The following KCNT1 variants were observed in gnomAD, a reference collection of about 807,000 sequenced individuals.
KCNT1 encodes potassium channel subfamily T member 1.
A neutral mutation model predicts 147.8 loss-of-function variants in KCNT1; 78 were observed. That is an observed-to-expected ratio of 0.53 (90% CI 0.44 to 0.64). The LOEUF (loss-of-function observed/expected upper bound fraction) is 0.64. Ranked by LOEUF, KCNT1 falls within the 30% of genes least tolerant of loss-of-function variation. KCNT1 has a pLI of 0.00. For missense variants in KCNT1, 1,419 were observed against 1,750.3 expected (o/e 0.81, Z 3.38); for synonymous variants, 867 against 748.8 (o/e 1.16, Z -2.58).
At chr9:135,720,429 G>A (rs1399363074) in intron 2 of KCNT1, among the ~76,000 whole-genome samples, 1 of 152,078 alleles carries the variant, frequency 6.6e-6, no homozygotes, top group Non-Finnish European at 1.5e-5. Context: ...TCGGTGTGCT[G>A]AGGGCCTTCT....
chr9:135,751,093 T>G, intron 4 of KCNT1, 52 bp downstream of exon 4: 1 of 1,524,328 alleles, frequency 6.6e-7, no homozygotes. Context: ...GGGCTGAGCC[T>G]TCCCACTGGG....
At chr9:135,726,752 C>T (rs12237994) in intron 2 of KCNT1, among the ~76,000 whole-genome samples, 26 of 92,250 alleles carry the variant, frequency 2.8e-4, no homozygotes, top group African/African-American at 8.6e-4. Flanking sequence ...TCTCTCCCTC[C>T]CTCTCTCCCT....
chr9:135,793,372 CAG>C lies in KCNT1; in HGVS notation c.*1214_*1215del, dbSNP rs1215887958. On this transcript the variant is annotated 3_prime_UTR_variant, in exon 31 of 31. Coordinates refer to ENST00000371757, the MANE Select transcript of KCNT1 (RefSeq NM_020822.3). ...GAAACCTGCCTGGTGGTGGGGGTCC[CAG>C]AGTCCAGGAGGGCTGTCTGGTGAGC... 1.3e-5 allele frequency: 2 copies of C among 152,230 alleles called. No individual in the cohort carries two copies. 9.4% of individuals were successfully genotyped at this position (152,230 alleles called of 1,614,324 possible). A position where few individuals can be genotyped will look rare whatever the true frequency, so the allele number is the denominator to read the frequency against.
chr9:135,749,924 G>T (rs936710964), intron 2 of KCNT1, among the ~76,000 whole-genome samples, 174 bp from the exon 3 acceptor site: 1 of 152,126 alleles, frequency 6.6e-6, no homozygotes, highest in Non-Finnish European at 1.5e-5. Context: ...TGGGTGTGAC[G>T]GACCCCAGGA....
At chr9:135,721,508 G>A (rs370353678) in intron 2 of KCNT1, among the ~76,000 whole-genome samples, 48 of 152,228 alleles carry the variant, frequency 3.2e-4, no homozygotes, top group African/African-American at 1.1e-3. Flanking sequence ...GTGGGGCCCA[G>A]GCAGGCTGGG....
intron 2 of KCNT1, among the ~76,000 whole-genome samples, chr9:135,715,420 T>A (rs1328115098): frequency 1.3e-5 from 2 of 152,112 alleles, no homozygotes; most frequent in Non-Finnish European, 2.9e-5. Context: ...GGGAGGCGCT[T>A]TTTTGCCTGC....
Position 135,765,162 on chromosome 9 carries a change from C to G in KCNT1, c.1167C>G (p.Phe389Leu). Residue 389 changes from phenylalanine (F) to leucine (L), a missense_variant, in exon 12 of 31, where the codon TTC (phenylalanine) becomes TTG (leucine). Phe to Leu is a conservative substitution (Grantham distance 22, BLOSUM62 0). Coordinates refer to ENST00000371757, the MANE Select transcript of KCNT1 (RefSeq NM_020822.3). The part of the protein sequence containing the change: ...SSLKIDLLMD[F>L]LNEFYAHPRL... ...TCAAGATCGACCTTCTCATGGACTT[C>G]CTGAACGAGTTCTACGCCCACCCCC... 6.2e-7 allele frequency: 1 copy of G among 1,613,148 alleles called. No homozygotes were observed. Among genetic ancestry groups the G allele is most frequent in the Non-Finnish European group, 8.5e-7 (1 of 1,179,628 alleles).
intron 13 of KCNT1, among the ~76,000 whole-genome samples, chr9:135,766,471 G>A (rs920571626): frequency 2.8e-4 from 42 of 150,524 alleles, no homozygotes; most frequent in African/African-American, 7.6e-4. Context: ...GGGGCGGACC[G>A]TCTGGGGTAT....
At chr9:135,770,585 G>A (rs1832684240) in intron 17 of KCNT1, 138 bp downstream of exon 17, 1 of 1,159,294 alleles carries the variant, frequency 8.6e-7, no homozygotes, top group Non-Finnish European at 1.2e-6. Context: ...AGGTCATCCT[G>A]CCTGGCGAGG....
At position 135,794,289 on chromosome 9, in the gene KCNT1, T is replaced by G. The variant is rs1834717918; in HGVS notation, c.*2128T>G. Reference sequence around the variant, plus strand: ...CACCACCATGAGGCCGGGAGGCATCTTAGCCTTTGAGCCTCTCTCCAGGGG... The same window carrying G: ...CACCACCATGAGGCCGGGAGGCATCGTAGCCTTTGAGCCTCTCTCCAGGGG... On this transcript the variant is annotated 3_prime_UTR_variant, in exon 31 of 31. Transcript: ENST00000371757. The G allele has an allele frequency of 6.6e-6, 1 of 152,270 alleles. No individual in the cohort carries two copies. Among genetic ancestry groups the G allele is most frequent in the African/African-American group, 2.4e-5 (1 of 41,462 alleles). 9.4% of individuals were successfully genotyped at this position (152,270 alleles called of 1,614,324 possible).
At chr9:135,762,039 G>T (rs1831949147) in intron 11 of KCNT1, among the ~76,000 whole-genome samples, 1 of 152,270 alleles carries the variant, frequency 6.6e-6, no homozygotes, top group African/African-American at 2.4e-5. Flanking sequence ...GGGATGTGCA[G>T]CAGGCCTGTT....
intron 2 of KCNT1, among the ~76,000 whole-genome samples, chr9:135,732,214 T>C (rs1283613074): frequency 6.6e-6 from 1 of 151,948 alleles, no homozygotes; most frequent in East Asian, 1.9e-4. Flanking sequence ...AGATGGGGTT[T>C]CACCTTGTTG....
chr9:135,779,494 G>A, intron 24 of KCNT1, 24 bp downstream of exon 24: 4 of 1,505,758 alleles, frequency 2.7e-6, no homozygotes, highest in Non-Finnish European at 3.7e-6. Flanking sequence ...CCCCGTGCCA[G>A]CTGCCACCCC....
intron 2 of KCNT1, among the ~76,000 whole-genome samples, chr9:135,748,759 C>T (rs1019665169): frequency 6.6e-5 from 10 of 152,244 alleles, no homozygotes; most frequent in African/African-American, 2.2e-4. Flanking sequence ...TTGTGGCCCT[C>T]GCGCTGCACT....
intron 24 of KCNT1, among the ~76,000 whole-genome samples, chr9:135,780,303 G>T (rs1833515723): frequency 6.6e-6 from 1 of 152,220 alleles, no homozygotes; most frequent in Admixed American, 6.5e-5. Context: ...CTGGGCTGAA[G>T]TCCTCATCGG....
intron 7 of KCNT1, 56 bp downstream of exon 7, chr9:135,756,988 C>CT: frequency 2.6e-6 from 3 of 1,169,872 alleles, no homozygotes; most frequent in Non-Finnish European, 2.4e-6. Flanking sequence ...CCCCACCCTC[C>CT]CCAGCCTCCC....
At position 135,752,189 on chromosome 9, in the gene KCNT1, T is replaced by C. The variant is rs960028878; in HGVS notation, c.434+1148T>C. 5 of 355,710 alleles carry C rather than the reference T, an allele frequency of 1.4e-5. No homozygotes were observed. Among genetic ancestry groups the C allele is most frequent in the African/African-American group, 1.1e-4 (5 of 46,732 alleles). The allele number at this position is 355,710 out of a possible 1,614,324, so 22.0% of individuals were successfully genotyped here. A position where few individuals can be genotyped will look rare whatever the true frequency, so the allele number is the denominator to read the frequency against. ...CCAGCATGCTGGTCCCCCCTCTGGCTGCGCAGAGCAGGTTCTTCCCTGGAG... is the reference window on the plus strand; with the variant it reads ...CCAGCATGCTGGTCCCCCCTCTGGCCGCGCAGAGCAGGTTCTTCCCTGGAG... On this transcript the variant is annotated intron_variant, in intron 4 of 30. Transcript: ENST00000371757. This position sits in a 1 kb window ranked among gnomAD's most constrained non-coding sequence, Gnocchi z 5.1.
chr9:135,713,595 G>A (rs1835592913), intron 1 of KCNT1, among the ~76,000 whole-genome samples: 1 of 152,314 alleles, frequency 6.6e-6, no homozygotes, highest in East Asian at 1.9e-4. Context: ...GCACAGCACG[G>A]GGAGCTGGGT....
At chr9:135,737,077 CT>C (rs1392419668) in intron 2 of KCNT1, 1 of 200,200 alleles carries the variant, frequency 5.0e-6, no homozygotes, top group Non-Finnish European at 1.0e-5. Flanking sequence ...CTGGGGGCCC[CT>C]GCCCGAGCCC....
Sources: gnomAD v4.1 joint callset for allele counts (sites outside exome capture counted in the v4.1 genomes callset) on GRCh38, gnomAD v4.1.1 for gene constraint, Gnocchi (gnomAD v3.1) non-coding constraint, MANE v1.5 for transcripts, NCBI Gene and HGNC (gene_info 2026-07-23, HGNC 2026-07-21) for gene names.